Variants in COL22A1 observed in about 807,000 individuals in gnomAD.
COL22A1 encodes collagen alpha-1(XXII) chain.
In COL22A1, 221 loss-of-function variants were observed where a neutral mutation model predicts 248.9. The observed-to-expected ratio is 0.89, with a 90% CI of 0.80 to 0.99. COL22A1 has a LOEUF of 0.99. Among genes scored for constraint, COL22A1 ranks in the 50% least tolerant of loss-of-function variants. The pLI, the probability that COL22A1 is intolerant of heterozygous loss-of-function variation, is 0.00. For synonymous variants in COL22A1, 891 were observed against 793.4 expected (o/e 1.12, Z -2.07); for missense variants, 2,240 against 2,179.0 (o/e 1.03, Z -0.56).
At chr8:138,777,257 T>TACAGGGCC (rs1487171653) in intron 15 of COL22A1, among the ~76,000 whole-genome samples, 1 of 152,050 alleles carries the variant, frequency 6.6e-6, no homozygotes, top group Non-Finnish European at 1.5e-5. Flanking sequence ...CTAGAGAGAG[T>TACAGGGCC]ACAGGGCCAA....
At chr8:138,867,563 T>C (rs775559004) in intron 3 of COL22A1, among the ~76,000 whole-genome samples, 1 of 152,172 alleles carries the variant, frequency 6.6e-6, no homozygotes, top group Non-Finnish European at 1.5e-5. Flanking sequence ...AGTCCCTGGC[T>C]GAGATCCCTG....
chr8:138,676,458 G>GAAAGAAAGAAAGGAAGA (rs1564179990), intron 41 of COL22A1, 100 bp downstream of exon 41: 9 of 155,664 alleles, frequency 5.8e-5, no homozygotes, highest in African/African-American at 4.7e-4. Context: ...AGAAAGAAAG[G>GAAAGAAAGAAAGGAAGA]AAGAAAGAAA....
chr8:138,726,446 G>A (rs1830316310), intron 23 of COL22A1, among the ~76,000 whole-genome samples: 3 of 146,034 alleles, frequency 2.1e-5, no homozygotes, highest in Non-Finnish European at 4.5e-5. Flanking sequence ...GCAGTGAGCT[G>A]TGATTGTGCC....
intron 39 of COL22A1, among the ~76,000 whole-genome samples, chr8:138,683,451 G>A (rs1039264947): frequency 5.9e-5 from 9 of 152,320 alleles, no homozygotes; most frequent in African/African-American, 2.2e-4. Context: ...AATTGAGGAA[G>A]AGACTGGCTG....
chr8:138,792,735 G>A (rs1014886193), intron 12 of COL22A1, among the ~76,000 whole-genome samples: 2 of 152,174 alleles, frequency 1.3e-5, no homozygotes, highest in African/African-American at 4.8e-5. Context: ...CCTCACATCA[G>A]CTAATGAGAG....
intron 60 of COL22A1, among the ~76,000 whole-genome samples, 186 bp from the exon 61 acceptor site, chr8:138,599,084 TACA>T (rs1417839779): frequency 6.6e-6 from 1 of 152,186 alleles, no homozygotes; most frequent in East Asian, 1.9e-4. Flanking sequence ...GTCCTGATTG[TACA>T]AATGAAAATA....
intron 36 of COL22A1, among the ~76,000 whole-genome samples, chr8:138,689,950 G>A (rs1826695707): frequency 6.6e-6 from 1 of 152,332 alleles, no homozygotes; most frequent in African/African-American, 2.4e-5. Flanking sequence ...CCAGCCAGAA[G>A]AATGCAGGCT....
At chr8:138,752,986 T>C (rs1050423359) in intron 21 of COL22A1, among the ~76,000 whole-genome samples, 1 of 152,224 alleles carries the variant, frequency 6.6e-6, no homozygotes, top group African/African-American at 2.4e-5. Flanking sequence ...TTTAACCTCA[T>C]AGTATGTTTA....
chr8:138,824,815 G>A lies in COL22A1; in HGVS notation c.969+1843C>T, dbSNP rs191484691. Among the ~76,000 whole-genome samples the A allele has an allele frequency of 2.0e-5, 3 of 152,296 alleles. No individual in the cohort carries two copies. In the East Asian group the frequency reaches 5.8e-4, roughly 29 times the overall value. On this transcript the variant is annotated intron_variant, in intron 6 of 64. Transcript: ENST00000303045. ...CAGGGCGTGGAAGTGCGCATCATTG[G>A]CACTTCTGGTGACGGGCACTCAACC...
intron 10 of COL22A1, among the ~76,000 whole-genome samples, chr8:138,806,007 AC>A (rs1817597546): frequency 7.0e-5 from 1 of 14,344 alleles, no homozygotes; most frequent in African/African-American, 2.2e-4. Flanking sequence ...TGTGTGTGTG[AC>A]GGTGTAGGTA....
intron 27 of COL22A1, among the ~76,000 whole-genome samples, chr8:138,719,457 G>A (rs906806999): frequency 6.6e-6 from 1 of 152,224 alleles, no homozygotes; most frequent in African/African-American, 2.4e-5. Context: ...TCCAGGAAGT[G>A]GGAGGCTCAT....
At chr8:138,902,220 A>C (rs1563906373) in intron 1 of COL22A1, among the ~76,000 whole-genome samples, 1 of 152,142 alleles carries the variant, frequency 6.6e-6, no homozygotes, top group African/African-American at 2.4e-5. Context: ...AGGAGCTGCT[A>C]CCACAACCAT....
intron 10 of COL22A1, among the ~76,000 whole-genome samples, chr8:138,805,503 GTGATGGTGTGTGTGTA>G (rs1817475306): frequency 7.6e-6 from 1 of 132,302 alleles, no homozygotes. Context: ...GTGTGTGTGT[GTGATGGTGTGTGTGTA>G]TATGTGTGAT....
chr8:138,912,687 G>A (rs1815536052), intron 1 of COL22A1, among the ~76,000 whole-genome samples: 1 of 152,098 alleles, frequency 6.6e-6, no homozygotes, highest in Admixed American at 6.5e-5. Context: ...AGGTCACAGT[G>A]AGCCGAGGCT....
intron 4 of COL22A1, among the ~76,000 whole-genome samples, chr8:138,839,239 C>T (rs1056806432): frequency 6.6e-6 from 1 of 152,102 alleles, no homozygotes; most frequent in African/African-American, 2.4e-5. Context: ...TTAGATGCTG[C>T]GTGGGCTGCT....
intron 38 of COL22A1, among the ~76,000 whole-genome samples, chr8:138,684,723 T>G (rs1457211579): frequency 6.6e-6 from 1 of 152,160 alleles, no homozygotes; most frequent in African/African-American, 2.4e-5. Context: ...TGCTTTCCCA[T>G]TGAAGAGCCT....
intron 45 of COL22A1, among the ~76,000 whole-genome samples, chr8:138,652,069 C>T (rs925488008): frequency 6.6e-6 from 1 of 152,198 alleles, no homozygotes; most frequent in African/African-American, 2.4e-5. Flanking sequence ...AGGGTGAGAT[C>T]ACCCCAATCT....
intron 47 of COL22A1, among the ~76,000 whole-genome samples, chr8:138,646,120 C>T (rs1822184650): frequency 6.6e-6 from 1 of 152,188 alleles, no homozygotes; most frequent in Non-Finnish European, 1.5e-5. Flanking sequence ...CTCAGGCTGT[C>T]CTCCCTGGCT....
intron 14 of COL22A1, 42 bp downstream of exon 14, chr8:138,779,467 C>A (rs780866068): frequency 1.8e-5 from 27 of 1,484,928 alleles, no homozygotes; most frequent in Non-Finnish European, 2.5e-5. Context: ...GGGCCTTGTC[C>A]CCTGGGAGCA....
Sources: allele counts gnomAD v4.1 joint callset (sites outside exome capture counted in the v4.1 genomes callset), GRCh38; gene constraint gnomAD v4.1.1; transcripts MANE v1.5; gene names NCBI Gene and HGNC (gene_info 2026-07-23, HGNC 2026-07-21).